ELAPOR2: variants seen among roughly 807,000 people sequenced by gnomAD.
ELAPOR2 encodes endosome-lysosome associated apoptosis and autophagy regulator family member 2.
A neutral mutation model predicts 120.7 loss-of-function variants in ELAPOR2; 89 were observed. The observed-to-expected ratio is 0.74, with a 90% CI of 0.62 to 0.88. The LOEUF is 0.88. ELAPOR2 is among the 40% of genes least tolerant of loss of function. The probability of loss-of-function intolerance (pLI) is 0.00; values close to 1 mark genes in which losing one functional copy is unlikely to be tolerated. For synonymous variants in ELAPOR2, 444 were observed against 444.9 expected (o/e 1.00, Z 0.03); for missense variants, 1,134 against 1,251.6 (o/e 0.91, Z 1.42).
intron 1 of ELAPOR2, among the ~76,000 whole-genome samples, chr7:87,013,226 C>A (rs1793753074): frequency 6.6e-6 from 1 of 152,122 alleles, no homozygotes; most frequent in Non-Finnish European, 1.5e-5. Flanking sequence ...TTAACCCAAG[C>A]TTGCTCAATC....
chr7:86,953,922 C>T (rs1375209395), intron 2 of ELAPOR2, among the ~76,000 whole-genome samples: 2 of 152,196 alleles, frequency 1.3e-5, no homozygotes, highest in African/African-American at 2.4e-5. Context: ...TAAACTGTAA[C>T]CAAGAGGTCA....
chr7:86,893,407 G>A (rs1788277667), intron 19 of ELAPOR2, among the ~76,000 whole-genome samples: 1 of 151,538 alleles, frequency 6.6e-6, no homozygotes, highest in African/African-American at 2.4e-5. Context: ...CAAGGAGGTT[G>A]AATAAAAATG....
intron 16 of ELAPOR2, among the ~76,000 whole-genome samples, chr7:86,909,520 G>T (rs956030718): frequency 8.6e-5 from 13 of 152,024 alleles, no homozygotes; most frequent in Non-Finnish European, 1.0e-4. Flanking sequence ...TTTTAGTTTT[G>T]ATTTTTAAAA....
Position 86,925,715 on chromosome 7 carries a change from T to C in ELAPOR2, c.1271-59A>G, listed in dbSNP as rs1790035271. 16 of 1,505,350 alleles carry C rather than the reference T, an allele frequency of 1.1e-5. No homozygotes were observed. In the South Asian group the frequency reaches 1.5e-4, roughly 14 times the overall value. 93.2% of individuals were successfully genotyped at this position (1,505,350 alleles called of 1,614,324 possible). On this transcript the variant is annotated intron_variant, in intron 9 of 21. Transcript: ENST00000450689. ...TAAACTGCATATGGACAACTTCTAC[T>C]TTCTCTGTTCCAAACACACTACATT...
At chr7:86,960,059 A>C (rs1248214919) in intron 2 of ELAPOR2, among the ~76,000 whole-genome samples, 1 of 152,218 alleles carries the variant, frequency 6.6e-6, no homozygotes, top group African/African-American at 2.4e-5. Flanking sequence ...CATTGTAGTC[A>C]GAAAAAATAC....
At chr7:87,056,632 A>G (rs1396954431) in intron 1 of ELAPOR2, among the ~76,000 whole-genome samples, 1 of 152,148 alleles carries the variant, frequency 6.6e-6, no homozygotes, top group Non-Finnish European at 1.5e-5. Context: ...GACTTTGACA[A>G]AGGAATATGT....
At chr7:87,019,427 A>G (rs1431933004) in intron 1 of ELAPOR2, among the ~76,000 whole-genome samples, 2 of 152,130 alleles carry the variant, frequency 1.3e-5, no homozygotes, top group Non-Finnish European at 2.9e-5. Context: ...GCCTCCTAGA[A>G]TGCTGGGATT....
At chr7:87,003,985 C>T (rs1285777954) in intron 1 of ELAPOR2, among the ~76,000 whole-genome samples, 1 of 152,142 alleles carries the variant, frequency 6.6e-6, no homozygotes, top group Non-Finnish European at 1.5e-5. Flanking sequence ...AGCCTGCACA[C>T]TCCCAGGCTT....
intron 2 of ELAPOR2, among the ~76,000 whole-genome samples, chr7:86,958,609 G>A (rs549948014): frequency 6.6e-6 from 1 of 152,144 alleles, no homozygotes; most frequent in Non-Finnish European, 1.5e-5. Flanking sequence ...CAGCCATTCA[G>A]ATCTCACAGA....
At chr7:86,892,800 G>C in intron 20 of ELAPOR2, 122 bp downstream of exon 20, 1 of 849,750 alleles carries the variant, frequency 1.2e-6, no homozygotes, top group Non-Finnish European at 1.6e-6. Flanking sequence ...TGATTTCTTC[G>C]CAAGGAGAAA....
intron 21 of ELAPOR2, among the ~76,000 whole-genome samples, chr7:86,882,343 C>T (rs1799452968): frequency 6.6e-6 from 1 of 152,100 alleles, no homozygotes; most frequent in African/African-American, 2.4e-5. Flanking sequence ...CAAAAGAAAA[C>T]ATGAGATTTC....
At chr7:86,935,285 A>G (rs889235108) in intron 8 of ELAPOR2, among the ~76,000 whole-genome samples, 1 of 151,932 alleles carries the variant, frequency 6.6e-6, no homozygotes, top group Non-Finnish European at 1.5e-5. Context: ...CCACATCCCC[A>G]CATTCTAGTC....
At chr7:87,052,084 G>T (rs1422938525) in intron 1 of ELAPOR2, among the ~76,000 whole-genome samples, 1 of 152,192 alleles carries the variant, frequency 6.6e-6, no homozygotes, top group Non-Finnish European at 1.5e-5. Context: ...AGTAAGCTAG[G>T]GTGACAGTTT....
At chr7:87,012,976 C>A (rs951465046) in intron 1 of ELAPOR2, among the ~76,000 whole-genome samples, 1 of 152,256 alleles carries the variant, frequency 6.6e-6, no homozygotes, top group African/African-American at 2.4e-5. Flanking sequence ...AAATAAAGCA[C>A]AAAATCATGC....
chr7:87,040,286 G>T (rs1794737643), intron 1 of ELAPOR2, among the ~76,000 whole-genome samples: 1 of 152,262 alleles, frequency 6.6e-6, no homozygotes, highest in Admixed American at 6.5e-5. Flanking sequence ...AAGGAGGCCT[G>T]CCTGCCTCTG....
intron 20 of ELAPOR2, among the ~76,000 whole-genome samples, chr7:86,892,246 G>A (rs777878208): frequency 3.3e-5 from 5 of 152,050 alleles, no homozygotes; most frequent in South Asian, 2.1e-4. Flanking sequence ...TATTTAGTTC[G>A]TAAAGATGAG....
intron 2 of ELAPOR2, among the ~76,000 whole-genome samples, chr7:86,955,413 T>G (rs948921351): frequency 4.6e-5 from 7 of 152,058 alleles, no homozygotes; most frequent in Non-Finnish European, 8.8e-5. Context: ...TGAGGGTAGT[T>G]TTCATGTCAA....
chr7:86,960,462 A>C (rs1313621187), intron 2 of ELAPOR2, among the ~76,000 whole-genome samples: 2 of 152,114 alleles, frequency 1.3e-5, no homozygotes, highest in African/African-American at 4.8e-5. Context: ...TATGTTGGCC[A>C]GGCTGGTCTC....
rs1351815837 is a variant in ELAPOR2 at position 86,965,002 on chromosome 7, G to A, written c.212C>T (p.Thr71Met). ...CCTGGAGCCACTGCTATCACATTCC[G>A]TATATTCAAAGTGATAATCTTTCTG... Reference protein sequence around the residue: ...CQEKDYHFEYTECDSSGSRWR... With the variant: ...CQEKDYHFEYMECDSSGSRWR... The change falls in exon 2 of 22, where the codon ACG (threonine) becomes ATG (methionine). Residue 71 changes from threonine (T) to methionine (M), a missense_variant. Around this residue, in one of 3 missense-constraint regions of ELAPOR2, gnomAD observed 280 missense variants for 331.5 expected, o/e 0.84. Coordinates refer to ENST00000450689, the MANE Select transcript of ELAPOR2 (RefSeq NM_001142749.3). 3.4e-5 allele frequency: 52 copies of A among 1,551,382 alleles called. No individual in the cohort carries two copies. The highest frequency in any genetic ancestry group is 1.7e-4 in the Middle Eastern group (1 of 6,012).
Sources: allele counts gnomAD v4.1 joint callset (sites outside exome capture counted in the v4.1 genomes callset), GRCh38; gene constraint gnomAD v4.1.1; regional missense constraint gnomAD v4.1.1; transcripts MANE v1.5; gene names NCBI Gene and HGNC (gene_info 2026-07-23, HGNC 2026-07-21).